The following ANK3 variants were observed in gnomAD, a reference collection of about 807,000 sequenced individuals.
The protein encoded by ANK3 is ankyrin-3.
A neutral mutation model predicts 370.9 loss-of-function variants in ANK3; 57 were observed. The observed-to-expected ratio is 0.15, with a 90% CI of 0.12 to 0.19. ANK3 has a LOEUF of 0.19. ANK3 is among the 10% of genes least tolerant of loss of function. The pLI is 1.00. For missense variants in ANK3, 4,439 were observed against 5,302.1 expected (o/e 0.84, Z 5.06); for synonymous variants, 1,929 against 1,946.3 (o/e 0.99, Z 0.23).
rs1180983855 is a variant in ANK3 at position 60,131,816 on chromosome 10, G to A, written c.2841+2455C>T. Among the ~76,000 whole-genome samples, 9 of 152,192 alleles carry A rather than the reference G, an allele frequency of 5.9e-5. No homozygotes were observed. In the East Asian group the frequency reaches 1.7e-3, roughly 29 times the overall value. Reference sequence around the variant, plus strand: ...TGGAGGTGACAGTGATGATGGTAAGGTCATGGTGATGGTGGTGGTGGTTCC... The same window carrying A: ...TGGAGGTGACAGTGATGATGGTAAGATCATGGTGATGGTGGTGGTGGTTCC... On this transcript the variant is annotated intron_variant, in intron 25 of 43. Transcript: ENST00000280772.
intron 2 of ANK3, among the ~76,000 whole-genome samples, chr10:60,579,594 T>C (rs1433328745): frequency 6.6e-6 from 1 of 152,080 alleles, no homozygotes; most frequent in Non-Finnish European, 1.5e-5. Context: ...AATGATATTT[T>C]CATCATGTCA....
chr10:60,501,530 C>A (rs976254982), intron 2 of ANK3, among the ~76,000 whole-genome samples: 1 of 151,774 alleles, frequency 6.6e-6, no homozygotes, highest in African/African-American at 2.4e-5. Context: ...GATGGAGAAA[C>A]CCTGTTTCTA....
At chr10:60,408,763 C>T (rs1478728841) in intron 2 of ANK3, among the ~76,000 whole-genome samples, 1 of 152,080 alleles carries the variant, frequency 6.6e-6, no homozygotes, top group Non-Finnish European at 1.5e-5. Flanking sequence ...AAAACGCTTC[C>T]GTCACTGGGC....
At chr10:60,346,435 T>C (rs2055503712) in intron 1 of ANK3, among the ~76,000 whole-genome samples, 1 of 76,846 alleles carries the variant, frequency 1.3e-5, no homozygotes, top group Non-Finnish European at 3.6e-5. Flanking sequence ...TAAAATGAAA[T>C]AGGCATACAA....
chr10:60,248,452 G>T (rs1004977241), intron 7 of ANK3, among the ~76,000 whole-genome samples: 4 of 151,936 alleles, frequency 2.6e-5, no homozygotes. Context: ...TAAAAAATAA[G>T]AAATTTGGGG....
intron 2 of ANK3, among the ~76,000 whole-genome samples, chr10:60,458,669 CAG>C (rs1298515501): frequency 6.6e-6 from 1 of 152,020 alleles, no homozygotes; most frequent in Admixed American, 6.6e-5. Context: ...GAAAGGGAAA[CAG>C]AAAACAATAA....
chr10:60,391,230 G>C (rs1052258022), upstream of ANK3, among the ~76,000 whole-genome samples: 14 of 152,204 alleles, frequency 9.2e-5, no homozygotes, highest in Non-Finnish European at 2.9e-5. Flanking sequence ...GCTGGTCATA[G>C]AGTTACCAAG....
chr10:60,441,673 C>G (rs1022575136), intron 2 of ANK3, among the ~76,000 whole-genome samples: 1 of 152,194 alleles, frequency 6.6e-6, no homozygotes, highest in Non-Finnish European at 1.5e-5. Context: ...AATAAGATCA[C>G]TTAATTCCTA....
chr10:60,141,559 C>CTTTTTTTTTT (rs2094555559), intron 23 of ANK3, among the ~76,000 whole-genome samples: 2 of 61,158 alleles, frequency 3.3e-5, no homozygotes, highest in African/African-American at 1.6e-4. Context: ...ATTTCAATTG[C>CTTTTTTTTTT]TGTTTTTTTT....
Position 60,194,924 on chromosome 10 carries a change from A to G in ANK3, c.1887+1221T>C, listed in dbSNP as rs2096560204. On this transcript the variant is annotated intron_variant, in intron 16 of 43. Coordinates refer to ENST00000280772, the MANE Select transcript of ANK3 (RefSeq NM_020987.5). The stretch of plus-strand genomic sequence containing the variant: ...CAGGAAGAAATATCTGTCGAAGATA[A>G]CATACTCTCTAAATGGAGAGAGTAC... Among the ~76,000 whole-genome samples the G allele has an allele frequency of 1.3e-5, 2 of 152,188 alleles. 1 individual carries two copies. Among genetic ancestry groups the G allele is most frequent in the South Asian group, 4.1e-4 (2 of 4,830 alleles).
At chr10:60,439,307 A>T (rs2064234775) in intron 2 of ANK3, among the ~76,000 whole-genome samples, 1 of 152,156 alleles carries the variant, frequency 6.6e-6, no homozygotes, top group South Asian at 2.1e-4. Flanking sequence ...TATCAAAAAT[A>T]TTGCATTAAA....
chr10:60,246,572 A>T (rs2097559581), intron 7 of ANK3, among the ~76,000 whole-genome samples: 1 of 152,198 alleles, frequency 6.6e-6, no homozygotes, highest in Admixed American at 6.5e-5. Flanking sequence ...CAGACACCTG[A>T]TAGTGCTGGC....
At chr10:60,482,678 G>T (rs989101366) in intron 2 of ANK3, among the ~76,000 whole-genome samples, 1 of 152,028 alleles carries the variant, frequency 6.6e-6, no homozygotes, top group Non-Finnish European at 1.5e-5. Flanking sequence ...GTAGGGACCA[G>T]GTTTCACCAC....
intron 7 of ANK3, among the ~76,000 whole-genome samples, chr10:60,250,260 G>T (rs1369178225): frequency 2.0e-5 from 3 of 152,210 alleles, no homozygotes; most frequent in Non-Finnish European, 2.9e-5. Flanking sequence ...AGTCCCCAGT[G>T]CAGAGTTAAT....
In ANK3 at chr10:60,097,362, G is replaced by A. The variant is rs149301391; in HGVS notation, c.3328+8543C>T. ...AGTAATGAATAGATTTGCAAATGCC[G>A]TGGTCGAAAAGGTGACCTGACTTCT... On this transcript the variant is annotated intron_variant, in intron 28 of 43. Transcript: ENST00000280772. Among the ~76,000 whole-genome samples, 323 of 152,270 alleles carry A rather than the reference G, an allele frequency of 2.1e-3. 4 individuals are homozygous for A. Among genetic ancestry groups the A allele is most frequent in the Non-Finnish European group, 7.8e-4 (53 of 68,026 alleles).
At chr10:60,099,760 A>G (rs1283590734) in intron 28 of ANK3, among the ~76,000 whole-genome samples, 1 of 151,860 alleles carries the variant, frequency 6.6e-6, no homozygotes, top group African/African-American at 2.4e-5. Flanking sequence ...CTTAAACACA[A>G]TGAATCAATA....
intron 1 of ANK3, among the ~76,000 whole-genome samples, chr10:60,644,843 GA>G (rs57867799): frequency 8.1e-6 from 1 of 123,732 alleles, no homozygotes; most frequent in South Asian, 3.0e-4. Context: ...TTAGTTAAAA[GA>G]AAAAAAAAGC....
intron 2 of ANK3, among the ~76,000 whole-genome samples, chr10:60,584,832 C>T (rs1044671755): frequency 2.6e-5 from 4 of 152,050 alleles, no homozygotes; most frequent in African/African-American, 7.2e-5. Context: ...TCCAGTTTGA[C>T]GAATATTCAT....
chr10:60,437,801 A>G (rs1039864864), intron 2 of ANK3, among the ~76,000 whole-genome samples: 4 of 152,192 alleles, frequency 2.6e-5, no homozygotes, highest in Admixed American at 1.3e-4. Flanking sequence ...GTCCTGTCAG[A>G]TGAAGAAACA....
Sources: gnomAD v4.1 joint callset for allele counts (sites outside exome capture counted in the v4.1 genomes callset) on GRCh38, gnomAD v4.1.1 for gene constraint, MANE v1.5 for transcripts, NCBI Gene and HGNC (gene_info 2026-07-23, HGNC 2026-07-21) for gene names.